Variants in PTP4A2 observed in about 807,000 individuals in gnomAD.
The protein encoded by PTP4A2 is protein tyrosine phosphatase type IVA 2.
A neutral mutation model predicts 22.9 loss-of-function variants in PTP4A2; 2 were observed. The observed-to-expected ratio is 0.09, with a 90% confidence interval of 0.04 to 0.27. The LOEUF is 0.27. Among genes scored for constraint, PTP4A2 ranks in the 10% least tolerant of loss-of-function variants. The probability of loss-of-function intolerance (pLI) is 1.00; values close to 1 mark genes in which losing one functional copy is unlikely to be tolerated. For synonymous variants in PTP4A2, 68 were observed against 69.1 expected, an observed-to-expected ratio of 0.98 and a Z score of 0.08; for missense variants, 103 against 205.1, an observed-to-expected ratio of 0.50 and a Z score of 3.04.
chr1:31,925,695 G>A (rs899903276), intron 1 of PTP4A2, among the ~76,000 whole-genome samples: 2 of 151,824 alleles, frequency 1.3e-5, no homozygotes, highest in African/African-American at 2.4e-5. Context: ...GGGAGGCAGA[G>A]CTTGCAGTGA....
intron 1 of PTP4A2, among the ~76,000 whole-genome samples, chr1:31,936,624 G>C (rs113486037): frequency 6.6e-6 from 1 of 152,028 alleles, no homozygotes; most frequent in African/African-American, 2.4e-5. Context: ...TACAACACAA[G>C]AATGGGAAAA....
At chr1:31,936,982 C>G (rs1346681089) in intron 1 of PTP4A2, among the ~76,000 whole-genome samples, 31 of 152,106 alleles carry the variant, frequency 2.0e-4, no homozygotes, top group Non-Finnish European at 5.9e-5. Context: ...TTGACAAATT[C>G]CAGGAAATAA....
chr1:31,923,726 C>T (rs1271795417), intron 1 of PTP4A2, among the ~76,000 whole-genome samples: 1 of 152,074 alleles, frequency 6.6e-6, no homozygotes, highest in Non-Finnish European at 1.5e-5. Context: ...GGGGGCCTTG[C>T]TATGTTGCCC....
intron 1 of PTP4A2, among the ~76,000 whole-genome samples, chr1:31,925,234 T>C (rs1321951048): frequency 2.6e-5 from 4 of 152,094 alleles, no homozygotes; most frequent in African/African-American, 9.7e-5. Flanking sequence ...GTATTACCTT[T>C]AAAAAAAATT....
chr1:31,931,033 G>A (rs1557868773), intron 1 of PTP4A2: 1 of 152,160 alleles, frequency 6.6e-6, no homozygotes, highest in East Asian at 1.9e-4. Flanking sequence ...ACTGAGATAA[G>A]GGACAATATG....
At chr1:31,924,452 GAC>G (rs1023749657) in intron 1 of PTP4A2, among the ~76,000 whole-genome samples, 1 of 152,072 alleles carries the variant, frequency 6.6e-6, no homozygotes, top group Admixed American at 6.5e-5. Flanking sequence ...TAATTCCTGT[GAC>G]ACACTTAGGA....
intron 1 of PTP4A2, among the ~76,000 whole-genome samples, chr1:31,926,334 A>C (rs1166709794): frequency 2.6e-5 from 4 of 151,800 alleles, no homozygotes; most frequent in Non-Finnish European, 5.9e-5. Context: ...AGAATTCTAG[A>C]TTTAAGGAAA....
intron 3 of PTP4A2, chr1:31,914,411 T>A: frequency 2.7e-6 from 1 of 376,418 alleles, no homozygotes; most frequent in South Asian, 2.0e-5. Context: ...AGTTTTTATT[T>A]TCACCAAAAT....
Position 31,909,222 on chromosome 1 carries a change from G to A in PTP4A2, c.396-262C>T, listed in dbSNP as rs150063538. Reference sequence around the variant, plus strand: ...AAAGATCAGAATAGTTTCTACTTTCGTTTTCTTTTTTTAAAGGAAGGGTTG... The same window carrying A: ...AAAGATCAGAATAGTTTCTACTTTCATTTTCTTTTTTTAAAGGAAGGGTTG... On this transcript the variant is annotated intron_variant, in intron 5 of 5. Transcript: ENST00000647444. Among the ~76,000 whole-genome samples, 340 of 152,094 alleles carry A rather than the reference G, an allele frequency of 2.2e-3. 2 individuals are homozygous for A. Among genetic ancestry groups the A allele is most frequent in the Non-Finnish European group, 3.4e-3 (233 of 67,980 alleles).
At chr1:31,926,149 A>AAATATATATATATATATATATATATATAT (rs59088489) in intron 1 of PTP4A2, among the ~76,000 whole-genome samples, 1 of 131,340 alleles carries the variant, frequency 7.6e-6, no homozygotes, top group African/African-American at 2.8e-5. Context: ...AAAAAAAAAA[A>AAATATATATATATATATATATATATATAT]ATATATATAT....
At position 31,908,140 on chromosome 1, in the gene PTP4A2, TTATATATATATATATATATATATATA is replaced by T. The variant is rs1204595576; in HGVS notation, c.*686_*711del. 4.7e-3 allele frequency: 2 copies of T among 422 alleles called. 1 individual carries two copies. Among genetic ancestry groups the T allele is most frequent in the Non-Finnish European group, 9.1e-3 (2 of 220 alleles). 0.0% of individuals were successfully genotyped at this position (422 alleles called of 1,614,324 possible). On this transcript the variant is annotated 3_prime_UTR_variant, in exon 6 of 6. Coordinates refer to ENST00000647444, the MANE Select transcript of PTP4A2 (RefSeq NM_080391.4). ...TATATATATATATATATATATTATATTATATATATATATATATATATATATATATATATATATATATATATATATAT... is the reference window on the plus strand; with the variant it reads ...TATATATATATATATATATATTATATTATATATATATATATATATATATAT...
intron 5 of PTP4A2, 149 bp downstream of exon 5, chr1:31,909,889 C>T: frequency 1.5e-6 from 1 of 647,044 alleles, no homozygotes; most frequent in Non-Finnish European, 2.6e-6. Context: ...GTCTCTATCA[C>T]TTGCTCTAAA....
intron 1 of PTP4A2, 78 bp downstream of exon 1, chr1:31,937,909 G>A (rs1653018073): frequency 6.7e-6 from 1 of 150,080 alleles, no homozygotes; most frequent in Admixed American, 6.6e-5. Context: ...TGCACTAATG[G>A]CTGCGGCGCC....
chr1:31,930,921 T>C (rs1022563206), intron 1 of PTP4A2: 2 of 152,228 alleles, frequency 1.3e-5, no homozygotes, highest in Admixed American at 6.5e-5. Context: ...CAAGAAGTTA[T>C]TCTTTACTCA....
At chr1:31,934,822 A>G (rs1161378194) in intron 1 of PTP4A2, among the ~76,000 whole-genome samples, 1 of 152,232 alleles carries the variant, frequency 6.6e-6, no homozygotes, top group Non-Finnish European at 1.5e-5. Flanking sequence ...GTTTCTGCCT[A>G]TAAATTTGGT....
chr1:31,923,253 C>G (rs1208333342), intron 1 of PTP4A2, among the ~76,000 whole-genome samples: 2 of 151,208 alleles, frequency 1.3e-5, no homozygotes, highest in East Asian at 3.9e-4. Flanking sequence ...ATCGCCCAGG[C>G]TGGAATGCAG....
intron 3 of PTP4A2, chr1:31,912,905 C>T (rs910348425): frequency 1.8e-5 from 7 of 386,450 alleles, no homozygotes; most frequent in Admixed American, 1.3e-4. Flanking sequence ...TTGACAACTA[C>T]GCCCCATAAT....
At position 31,911,681 on chromosome 1, in the gene PTP4A2, A is replaced by C; in HGVS notation, c.320+15T>G. 1 of 1,555,384 alleles carries C rather than the reference A, an allele frequency of 6.4e-7. No individual in the cohort carries two copies. The highest frequency in any genetic ancestry group is 1.2e-5 in the South Asian group (1 of 81,278). ...ATGAATTCAGACAAAAAGGGTAATAAAGGTAAGAGTTTACCTTCCCAATCC... is the reference window on the plus strand; with the variant it reads ...ATGAATTCAGACAAAAAGGGTAATACAGGTAAGAGTTTACCTTCCCAATCC... On this transcript the variant is annotated intron_variant, in intron 4 of 5. Coordinates refer to ENST00000647444, the MANE Select transcript of PTP4A2 (RefSeq NM_080391.4).
chr1:31,920,126 C>CAAAAAA (rs772173962), intron 1 of PTP4A2, among the ~76,000 whole-genome samples: 1 of 43,148 alleles, frequency 2.3e-5, no homozygotes, highest in South Asian at 9.6e-4. Flanking sequence ...AACTCTGCCT[C>CAAAAAA]AAAAAAAAAA....
Sources: allele counts gnomAD v4.1 joint callset (sites outside exome capture counted in the v4.1 genomes callset), GRCh38; gene constraint gnomAD v4.1.1; transcripts MANE v1.5; gene names NCBI Gene and HGNC (gene_info 2026-07-23, HGNC 2026-07-21).